PHF21A: variants seen among roughly 807,000 people sequenced by gnomAD.
PHF21A encodes BHC80a.
In PHF21A, 11 loss-of-function variants were observed where a neutral mutation model predicts 82.5. That is an observed-to-expected ratio of 0.13 (90% CI 0.08 to 0.22). The LOEUF is 0.22. Ranked by LOEUF, PHF21A falls within the 10% of genes least tolerant of loss-of-function variation. The pLI, the probability that PHF21A is intolerant of heterozygous loss-of-function variation, is 1.00. For synonymous variants in PHF21A, 297 were observed against 302.8 expected, an observed-to-expected ratio of 0.98 and a Z score of 0.20; for missense variants, 579 against 837.8, an observed-to-expected ratio of 0.69 and a Z score of 3.81.
intron 1 of PHF21A, among the ~76,000 whole-genome samples, chr11:46,099,686 A>C (rs1007987694): frequency 6.6e-6 from 1 of 152,166 alleles, no homozygotes; most frequent in African/African-American, 2.4e-5. Context: ...AGTGAGAAAA[A>C]AGCCAAGCTT....
At chr11:46,022,912 G>A (rs1204695861) in intron 6 of PHF21A, among the ~76,000 whole-genome samples, 1 of 152,056 alleles carries the variant, frequency 6.6e-6, no homozygotes, top group South Asian at 2.1e-4. Flanking sequence ...CACCACACTT[G>A]GGTAATTTTT....
intron 4 of PHF21A, among the ~76,000 whole-genome samples, chr11:46,082,570 C>G (rs2096805141): frequency 6.6e-6 from 1 of 151,952 alleles, no homozygotes; most frequent in South Asian, 2.1e-4. Context: ...AATATAAAAG[C>G]TATTAATTTT....
At chr11:46,022,832 G>A (rs1222804827) in intron 6 of PHF21A, among the ~76,000 whole-genome samples, 1 of 152,120 alleles carries the variant, frequency 6.6e-6, no homozygotes, top group Non-Finnish European at 1.5e-5. Context: ...ACCCAGGCTG[G>A]AGTGCAGTGG....
chr11:46,029,430 G>T (rs939677975), intron 6 of PHF21A, among the ~76,000 whole-genome samples: 2 of 152,238 alleles, frequency 1.3e-5, no homozygotes, highest in African/African-American at 4.8e-5. Context: ...GCTCACGCCT[G>T]TAATCCTAAT....
Position 46,091,746 on chromosome 11 carries a change from G to A in PHF21A, c.-196+437C>T, listed in dbSNP as rs141117857. Among the ~76,000 whole-genome samples, 959 of 152,270 alleles carry A rather than the reference G, an allele frequency of 6.3e-3. 15 individuals carry two copies. The highest frequency in any genetic ancestry group is 0.022 in the African/African-American group (921 of 41,552). On this transcript the variant is annotated intron_variant, in intron 2 of 18. Coordinates refer to ENST00000676320, the MANE Select transcript of PHF21A (RefSeq NM_001352027.3). ...TCTTTTTTTAAGAGATGAGGGTCTC[G>A]TTTTGTTGCCAGCTTCAAGCTGGAT...
At chr11:46,098,111 A>T (rs1207744934) in intron 1 of PHF21A, among the ~76,000 whole-genome samples, 1 of 152,234 alleles carries the variant, frequency 6.6e-6, no homozygotes, top group Non-Finnish European at 1.5e-5. Flanking sequence ...ACTAGAATGG[A>T]CACCTCAGAG....
At chr11:45,976,176 C>A (rs1390439029) in intron 7 of PHF21A, among the ~76,000 whole-genome samples, 1 of 152,118 alleles carries the variant, frequency 6.6e-6, no homozygotes, top group Non-Finnish European at 1.5e-5. Context: ...TGACGCCATC[C>A]TTTTGTTCAT....
intron 9 of PHF21A, among the ~76,000 whole-genome samples, chr11:45,968,204 C>T (rs566063500): frequency 1.3e-4 from 20 of 152,324 alleles, no homozygotes; most frequent in African/African-American, 4.6e-4. Flanking sequence ...ACAGTCTTGA[C>T]CATCCCCAAT....
intron 6 of PHF21A, among the ~76,000 whole-genome samples, chr11:46,050,053 A>C (rs1050099108): frequency 6.6e-6 from 1 of 152,254 alleles, no homozygotes; most frequent in African/African-American, 2.4e-5. Context: ...AATTAAAAGA[A>C]AATTAGCAAG....
At chr11:45,944,209 G>T in intron 15 of PHF21A, among the ~76,000 whole-genome samples, 1 of 152,050 alleles carries the variant, frequency 6.6e-6, no homozygotes, top group East Asian at 1.9e-4. Context: ...TAAATGCATT[G>T]TACCTACATA....
At chr11:45,977,488 G>C (rs2094090927) in intron 7 of PHF21A, among the ~76,000 whole-genome samples, 1 of 152,060 alleles carries the variant, frequency 6.6e-6, no homozygotes, top group Non-Finnish European at 1.5e-5. Flanking sequence ...GTTTCCATGG[G>C]TTAAGACAGA....
intron 6 of PHF21A, among the ~76,000 whole-genome samples, chr11:46,063,467 A>G (rs769264764): frequency 6.6e-6 from 1 of 152,234 alleles, no homozygotes; most frequent in Non-Finnish European, 1.5e-5. Context: ...GCAGTCAGTC[A>G]TAGAGAATAT....
At position 46,084,278 on chromosome 11, in the gene PHF21A, T is replaced by C; in HGVS notation, c.-59A>G. ...TAGTTTCTTCAGCCTCTGTTTAAAGTAACAAACTCCTCTTCTCACTGCAGC... is the reference window on the plus strand; with the variant it reads ...TAGTTTCTTCAGCCTCTGTTTAAAGCAACAAACTCCTCTTCTCACTGCAGC... On this transcript the variant is annotated 5_prime_UTR_variant, in exon 4 of 19. Coordinates refer to ENST00000676320, the MANE Select transcript of PHF21A (RefSeq NM_001352027.3). The C allele has an allele frequency of 7.7e-7, 1 of 1,306,656 alleles. No individual in the cohort carries two copies. The highest frequency in any genetic ancestry group is 1.1e-6 in the Non-Finnish European group (1 of 927,970). The allele number at this position is 1,306,656 out of a possible 1,614,324, so 80.9% of individuals were successfully genotyped here. A position where few individuals can be genotyped will look rare whatever the true frequency, so the allele number is the denominator to read the frequency against.
intron 10 of PHF21A, among the ~76,000 whole-genome samples, chr11:45,960,543 G>A (rs559887621): frequency 6.6e-6 from 1 of 152,310 alleles, no homozygotes. Context: ...GAGGGCAAAA[G>A]TTAAATAATT....
At position 46,064,585 on chromosome 11, in the gene PHF21A, T is replaced by C. The variant is rs1312429380; in HGVS notation, c.153+12169A>G. On this transcript the variant is annotated intron_variant, in intron 6 of 18. Transcript: ENST00000676320. ...CATCTAACCAGCTACCATAAAAAGA[T>C]ACTAGTTAAAGAGTAAACTTCTTTT... 2.0e-5 allele frequency among the ~76,000 whole-genome samples: 3 copies of C among 152,174 alleles called. No homozygotes were observed. In the East Asian group the frequency reaches 5.8e-4, roughly 29 times the overall value.
At chr11:46,049,262 T>C in intron 6 of PHF21A, 1 of 331,248 alleles carries the variant, frequency 3.0e-6, no homozygotes, top group Non-Finnish European at 6.0e-6. Context: ...TAAAAAGTCC[T>C]CTATCATTTC....
Position 45,933,836 on chromosome 11 carries a change from TTCTC to T in PHF21A, c.*128_*131del, listed in dbSNP as rs779234033. The T allele has an allele frequency of 4.7e-6, 4 of 857,182 alleles. No individual in the cohort carries two copies. Among genetic ancestry groups the T allele is most frequent in the Non-Finnish European group, 6.9e-6 (4 of 583,690 alleles). 53.1% of individuals were successfully genotyped at this position (857,182 alleles called of 1,614,324 possible). The stretch of plus-strand genomic sequence containing the variant: ...TCTGGTGCCACCTGGCACAAGCATC[TTCTC>T]TCTCTCTGGAACCAAAGAACCAAAA... On this transcript the variant is annotated 3_prime_UTR_variant, in exon 19 of 19. Transcript: ENST00000676320.
intron 6 of PHF21A, among the ~76,000 whole-genome samples, chr11:46,019,482 G>A (rs2095587572): frequency 6.6e-6 from 1 of 152,134 alleles, no homozygotes; most frequent in Non-Finnish European, 1.5e-5. Context: ...TCCAGGCAAA[G>A]CTGGCTAAAA....
chr11:46,110,133 A>G (rs987720493), intron 1 of PHF21A, among the ~76,000 whole-genome samples: 1 of 152,212 alleles, frequency 6.6e-6, no homozygotes, highest in Non-Finnish European at 1.5e-5. Context: ...CTGATTAAAA[A>G]TTCAATTTAC....
Sources: gnomAD v4.1 joint callset for allele counts (sites outside exome capture counted in the v4.1 genomes callset) on GRCh38, gnomAD v4.1.1 for gene constraint, MANE v1.5 for transcripts, NCBI Gene and HGNC (gene_info 2026-07-23, HGNC 2026-07-21) for gene names.